The following GALNTL6 variants were observed in gnomAD, a reference collection of about 807,000 sequenced individuals.
The protein encoded by GALNTL6 is polypeptide N-acetylgalactosaminyltransferase-like 6.
Under a neutral mutation model 73.7 loss-of-function variants are expected in GALNTL6, and 46 were observed. That is an observed-to-expected ratio of 0.62 (90% CI 0.49 to 0.80). The LOEUF is 0.80. Ranked by LOEUF, GALNTL6 falls within the 30% of genes least tolerant of loss-of-function variation. The probability of loss-of-function intolerance (pLI) is 0.00; values close to 1 mark genes in which losing one functional copy is unlikely to be tolerated. For missense variants in GALNTL6, 604 were observed against 755.0 expected, an observed-to-expected ratio of 0.80 and a Z score of 2.34; for synonymous variants, 259 against 263.7, an observed-to-expected ratio of 0.98 and a Z score of 0.17.
At chr4:173,009,620 G>C (rs891559154) in intron 11 of GALNTL6, among the ~76,000 whole-genome samples, 1 of 152,228 alleles carries the variant, frequency 6.6e-6, no homozygotes, top group Non-Finnish European at 1.5e-5. Context: ...GAAGCCTGTA[G>C]AGTGCTTTGG....
At chr4:172,619,659 C>T (rs1738880409) in intron 5 of GALNTL6, among the ~76,000 whole-genome samples, 2 of 152,178 alleles carry the variant, frequency 1.3e-5, no homozygotes, top group African/African-American at 4.8e-5. Flanking sequence ...GTTATTGAGG[C>T]ATGACCTTTT....
intron 2 of GALNTL6, among the ~76,000 whole-genome samples, chr4:172,134,370 G>A (rs1415814924): frequency 6.8e-6 from 1 of 146,380 alleles, no homozygotes; most frequent in Non-Finnish European, 1.5e-5. Flanking sequence ...GGGCAACAGA[G>A]CGAGACTCCT....
At chr4:172,943,814 G>A (rs1435225323) in intron 9 of GALNTL6, among the ~76,000 whole-genome samples, 1 of 152,192 alleles carries the variant, frequency 6.6e-6, no homozygotes, top group African/African-American at 2.4e-5. Flanking sequence ...TTCTGGAAGA[G>A]AAGAGAGAGC....
At chr4:172,605,477 T>C (rs1051614150) in intron 5 of GALNTL6, among the ~76,000 whole-genome samples, 15 of 151,976 alleles carry the variant, frequency 9.9e-5, no homozygotes, top group African/African-American at 3.4e-4. Flanking sequence ...CAGAATGAAA[T>C]GGTGCCATAA....
At position 172,606,025 on chromosome 4, in the gene GALNTL6, T is replaced by C. The variant is rs978374187; in HGVS notation, c.554-203336T>C. 2.6e-5 allele frequency among the ~76,000 whole-genome samples: 4 copies of C among 151,978 alleles called. No individual in the cohort carries two copies. In the South Asian group the frequency reaches 8.3e-4, roughly 31 times the overall value. The stretch of plus-strand genomic sequence containing the variant: ...GTGTGTATGTGGGCCCCCAGTCCAT[T>C]GTGGGCAGTCCTAGCCAAGACCCTG... On this transcript the variant is annotated intron_variant, in intron 5 of 12. Transcript: ENST00000506823.
chr4:172,043,160 T>TGGTTTTGTACAATCATTTC (rs1259785956), intron 2 of GALNTL6, among the ~76,000 whole-genome samples: 4 of 152,078 alleles, frequency 2.6e-5, no homozygotes, highest in Admixed American at 2.0e-4. Flanking sequence ...GCAATTATTT[T>TGGTTTTGTACAATCATTTC]GGCTTTTGTA....
At chr4:171,854,830 C>T (rs1406389518) in intron 2 of GALNTL6, among the ~76,000 whole-genome samples, 1 of 152,096 alleles carries the variant, frequency 6.6e-6, no homozygotes, top group African/African-American at 2.4e-5. Flanking sequence ...TCTCAAAGGC[C>T]CCACCTTTAA....
At position 172,317,342 on chromosome 4, in the gene GALNTL6, C is replaced by T. The variant is rs372363384; in HGVS notation, c.386+5590C>T. Reference sequence around the variant, plus strand: ...ATGTTTATGTGCCCATTTCCGTAAGCGGGGATGCAAGTTTCTTCAGCTTCC... The same window carrying T: ...ATGTTTATGTGCCCATTTCCGTAAGTGGGGATGCAAGTTTCTTCAGCTTCC... On this transcript the variant is annotated intron_variant, in intron 4 of 12. Transcript: ENST00000506823. Among the ~76,000 whole-genome samples, 49 of 152,236 alleles carry T rather than the reference C, an allele frequency of 3.2e-4. 1 individual carries two copies. Among genetic ancestry groups the T allele is most frequent in the Admixed American group, 2.0e-3 (30 of 15,290 alleles).
At chr4:172,530,034 G>A (rs755567225) in intron 5 of GALNTL6, among the ~76,000 whole-genome samples, 9 of 151,622 alleles carry the variant, frequency 5.9e-5, no homozygotes, top group Non-Finnish European at 8.8e-5. Context: ...GAGCCACCAC[G>A]CCTGGCCCCC....
chr4:172,112,223 G>A (rs887177053), intron 2 of GALNTL6, among the ~76,000 whole-genome samples: 7 of 152,082 alleles, frequency 4.6e-5, no homozygotes, highest in African/African-American at 1.4e-4. Context: ...TTCATGGCTT[G>A]ATAGCTCACC....
At chr4:172,207,236 T>G (rs1736167779) in intron 2 of GALNTL6, among the ~76,000 whole-genome samples, 1 of 152,148 alleles carries the variant, frequency 6.6e-6, no homozygotes, top group African/African-American at 2.4e-5. Context: ...ATAAATGAAT[T>G]AATTCATTAA....
intron 5 of GALNTL6, among the ~76,000 whole-genome samples, chr4:172,428,658 T>A (rs969377152): frequency 6.6e-6 from 1 of 152,242 alleles, no homozygotes; most frequent in African/African-American, 2.4e-5. Context: ...TATGTCCTTT[T>A]ACCTTCACAT....
intron 3 of GALNTL6, among the ~76,000 whole-genome samples, chr4:172,235,354 T>A (rs1004744317): frequency 1.3e-5 from 2 of 151,952 alleles, no homozygotes; most frequent in African/African-American, 4.8e-5. Flanking sequence ...ACTACAGATA[T>A]GCACCACCAT....
intron 3 of GALNTL6, among the ~76,000 whole-genome samples, chr4:172,239,442 AG>A (rs1210257707): frequency 6.6e-6 from 1 of 152,070 alleles, no homozygotes; most frequent in Admixed American, 6.5e-5. Flanking sequence ...TTGTAATGTC[AG>A]CTTTGTCATT....
intron 2 of GALNTL6, among the ~76,000 whole-genome samples, chr4:171,946,270 C>T (rs899617775): frequency 6.6e-6 from 1 of 152,070 alleles, no homozygotes; most frequent in Admixed American, 6.6e-5. Flanking sequence ...AAGCTATTTC[C>T]TTATTAAGAA....
chr4:172,219,295 C>T (rs927119148), intron 2 of GALNTL6, among the ~76,000 whole-genome samples: 83 of 146,870 alleles, frequency 5.7e-4, no homozygotes, highest in Non-Finnish European at 9.1e-4. Context: ...AAAAATTATT[C>T]CTTGGCATCT....
intron 10 of GALNTL6, among the ~76,000 whole-genome samples, chr4:173,002,794 CAAAAA>C (rs34412958): frequency 2.4e-5 from 2 of 82,948 alleles, no homozygotes; most frequent in African/African-American, 4.3e-5. Flanking sequence ...GACTCCGTCT[CAAAAA>C]AAAAAAAAAA....
At chr4:171,946,475 A>G (rs1738705112) in intron 2 of GALNTL6, among the ~76,000 whole-genome samples, 1 of 152,182 alleles carries the variant, frequency 6.6e-6, no homozygotes, top group South Asian at 2.1e-4. Flanking sequence ...ATCAGAAGAC[A>G]TAAACCCCTT....
At chr4:172,216,928 GA>G (rs1736513583) in intron 2 of GALNTL6, among the ~76,000 whole-genome samples, 1 of 152,140 alleles carries the variant, frequency 6.6e-6, no homozygotes. Flanking sequence ...GGAAGTGGGG[GA>G]GGGGGGCTTC....
Sources: gnomAD v4.1 joint callset for allele counts (sites outside exome capture counted in the v4.1 genomes callset) on GRCh38, gnomAD v4.1.1 for gene constraint, MANE v1.5 for transcripts, NCBI Gene and HGNC (gene_info 2026-07-23, HGNC 2026-07-21) for gene names.